Variants in MAPK10 observed in about 807,000 individuals in gnomAD.
The protein encoded by MAPK10 is mitogen-activated protein kinase 10, also known as JNK3 alpha protein kinase.
Under a neutral mutation model 59.3 loss-of-function variants are expected in MAPK10, and 25 were observed. The observed-to-expected ratio is 0.42, with a 90% CI of 0.31 to 0.59. The LOEUF (loss-of-function observed/expected upper bound fraction) is 0.59, where lower values mean the gene tolerates loss of function less well. MAPK10 is among the 20% of genes least tolerant of loss of function. MAPK10 has a pLI of 0.15. For missense variants in MAPK10, 351 were observed against 568.9 expected (o/e 0.62, Z 3.90); for synonymous variants, 190 against 200.5 (o/e 0.95, Z 0.44).
chr4:86,527,993 T>C (rs1225999375), intron 1 of MAPK10, among the ~76,000 whole-genome samples: 1 of 152,146 alleles, frequency 6.6e-6, no homozygotes, highest in African/African-American at 2.4e-5. Flanking sequence ...GACTCGGGTC[T>C]ATTAGAAGGG....
At chr4:86,149,515 C>T (rs2065877413) in intron 4 of MAPK10, among the ~76,000 whole-genome samples, 1 of 152,216 alleles carries the variant, frequency 6.6e-6, no homozygotes, top group Admixed American at 6.5e-5. Flanking sequence ...GATACACCCA[C>T]CTCGGCCTGC....
intron 1 of MAPK10, among the ~76,000 whole-genome samples, chr4:86,369,277 A>T (rs1259439611): frequency 6.6e-6 from 1 of 152,210 alleles, no homozygotes; most frequent in East Asian, 1.9e-4. Flanking sequence ...AAATTAAAAT[A>T]AAAGTTTAAT....
At chr4:86,261,673 T>G (rs2093986988) in intron 2 of MAPK10, among the ~76,000 whole-genome samples, 1 of 152,210 alleles carries the variant, frequency 6.6e-6, no homozygotes, top group Non-Finnish European at 1.5e-5. Context: ...AAATACCTGA[T>G]AGGGATACTA....
chr4:86,337,738 C>T (rs1451005811), intron 2 of MAPK10, among the ~76,000 whole-genome samples: 1 of 152,164 alleles, frequency 6.6e-6, no homozygotes, highest in East Asian at 1.9e-4. Context: ...CCCTGGAGAA[C>T]CCAAGAACAG....
chr4:86,305,288 G>A (rs1440749322), intron 2 of MAPK10, among the ~76,000 whole-genome samples: 1 of 152,074 alleles, frequency 6.6e-6, no homozygotes, highest in Non-Finnish European at 1.5e-5. Flanking sequence ...ATCCATAAAT[G>A]CTAACCTAGT....
At chr4:86,148,954 G>A (rs145471570) in intron 4 of MAPK10, among the ~76,000 whole-genome samples, 1,530 of 152,268 alleles carry the variant, frequency 0.01, 23 homozygotes, top group African/African-American at 0.035. Context: ...ATCAATAAAA[G>A]GTTAGATAAT....
intron 1 of MAPK10, among the ~76,000 whole-genome samples, chr4:86,402,937 C>T (rs11939109): frequency 0.2 from 29,942 of 151,988 alleles, 3,030 homozygotes; most frequent in South Asian, 0.28. Context: ...CCTTGGTAAT[C>T]TGCACTCCCT....
At chr4:86,264,888 CTT>C (rs397879051) in intron 2 of MAPK10, among the ~76,000 whole-genome samples, 5,854 of 94,870 alleles carry the variant, frequency 0.062, 59 homozygotes, top group Middle Eastern at 0.089. Context: ...TGGCCCTGGA[CTT>C]TTTTTTTTTT....
chr4:86,527,312 CAAAAA>C (rs57390422), intron 1 of MAPK10, among the ~76,000 whole-genome samples: 2,576 of 15,498 alleles, frequency 0.17, 19 homozygotes, highest in Non-Finnish European at 0.22. Flanking sequence ...ACACTGTTGC[CAAAAA>C]AAAAAAAAAA....
Position 86,317,799 on chromosome 4 carries a change from G to A in MAPK10, c.-7+36731C>T, listed in dbSNP as rs142894196. On this transcript the variant is annotated intron_variant, in intron 2 of 13. Coordinates refer to ENST00000641462, the MANE Select transcript of MAPK10 (RefSeq NM_138982.4). ...TTTCTGAGAGCTGCCATAACAAAATGCTGCAAGCTTAGTGTGAAACAATGA... is the reference window on the plus strand; with the variant it reads ...TTTCTGAGAGCTGCCATAACAAAATACTGCAAGCTTAGTGTGAAACAATGA... Among the ~76,000 whole-genome samples the A allele has an allele frequency of 5.5e-3, 844 of 152,288 alleles. 7 individuals are homozygous for A. Among genetic ancestry groups the A allele is most frequent in the African/African-American group, 0.019 (801 of 41,560 alleles).
chr4:86,446,950 G>T (rs1289028195), intron 1 of MAPK10, among the ~76,000 whole-genome samples: 1 of 151,754 alleles, frequency 6.6e-6, no homozygotes, highest in East Asian at 1.9e-4. Flanking sequence ...ATTATTTGTT[G>T]GTTCTGTGTG....
At chr4:86,261,954 G>A (rs990637047) in intron 2 of MAPK10, among the ~76,000 whole-genome samples, 2 of 152,210 alleles carry the variant, frequency 1.3e-5, no homozygotes, top group South Asian at 4.1e-4. Flanking sequence ...GGCAACTAAG[G>A]TTCTTGTCCC....
At chr4:86,241,458 G>A (rs2148688104) in intron 2 of MAPK10, among the ~76,000 whole-genome samples, 1 of 152,174 alleles carries the variant, frequency 6.6e-6, no homozygotes, top group Non-Finnish European at 1.5e-5. Flanking sequence ...TCTCCTTCTT[G>A]TACTCCAATC....
At position 86,223,644 on chromosome 4, in the gene MAPK10, CT is replaced by C. The variant is rs759551187; in HGVS notation, c.-6-29238del. On this transcript the variant is annotated intron_variant, in intron 2 of 13. Transcript: ENST00000641462. ...CACCTGCAGGAGGCAGTAGCCTCCC[CT>C]ATCCCCAAATCTCACCCCTCCCTCT... Among the ~76,000 whole-genome samples, 17 of 152,286 alleles carry C rather than the reference CT, an allele frequency of 1.1e-4. No individual in the cohort carries two copies. In the East Asian group the frequency reaches 2.9e-3, roughly 26 times the overall value.
rs537062975 is a variant in MAPK10, at chr4:86,089,045, G to C, written c.802+9479C>G. Among the ~76,000 whole-genome samples, 10 of 152,240 alleles carry C rather than the reference G, an allele frequency of 6.6e-5. No homozygotes were observed. In the South Asian group the frequency reaches 1.7e-3, roughly 25 times the overall value. ...ACATAAGGTCTTACTAGGAGACAAAGTTACTCTGCCATAATGCCAACTTGT... is the reference window on the plus strand; with the variant it reads ...ACATAAGGTCTTACTAGGAGACAAACTTACTCTGCCATAATGCCAACTTGT... On this transcript the variant is annotated intron_variant, in intron 9 of 13. Coordinates refer to ENST00000641462, the MANE Select transcript of MAPK10 (RefSeq NM_138982.4).
intron 9 of MAPK10, among the ~76,000 whole-genome samples, chr4:86,076,260 G>A (rs911479976): frequency 6.6e-6 from 1 of 152,006 alleles, no homozygotes; most frequent in Non-Finnish European, 1.5e-5. Context: ...GCTCGCGCAC[G>A]GTGCGCGCAC....
chr4:86,422,185 A>G (rs1162936349), intron 1 of MAPK10, among the ~76,000 whole-genome samples: 1 of 152,166 alleles, frequency 6.6e-6, no homozygotes, highest in East Asian at 1.9e-4. Flanking sequence ...GAATGTCAGC[A>G]CTTAAGGGCA....
chr4:86,387,241 G>A (rs1316021979), intron 1 of MAPK10, among the ~76,000 whole-genome samples: 1 of 152,136 alleles, frequency 6.6e-6, no homozygotes, highest in Non-Finnish European at 1.5e-5. Context: ...GTCTCAGATA[G>A]GGAGGATGTC....
intron 13 of MAPK10, chr4:86,027,764 C>T (rs914681805): frequency 6.6e-6 from 1 of 152,190 alleles, no homozygotes; most frequent in African/African-American, 2.4e-5. Flanking sequence ...TGCATACAGT[C>T]TTCTCAATGA....
Sources: gnomAD v4.1 joint callset for allele counts (sites outside exome capture counted in the v4.1 genomes callset) on GRCh38, gnomAD v4.1.1 for gene constraint, MANE v1.5 for transcripts, NCBI Gene and HGNC (gene_info 2026-07-23, HGNC 2026-07-21) for gene names.